The following TERT variants were observed in gnomAD, a reference collection of about 807,000 sequenced individuals.
TERT encodes telomerase reverse transcriptase.
A neutral mutation model predicts 104.0 loss-of-function variants in TERT; 42 were observed. The observed-to-expected ratio is 0.40, with a 90% CI of 0.32 to 0.52. The LOEUF is 0.52. TERT is among the 20% of genes least tolerant of loss of function. The pLI, the probability that TERT is intolerant of heterozygous loss-of-function variation, is 0.43. For missense variants in TERT, 1,101 were observed against 1,610.3 expected (o/e 0.68, Z 5.41); for synonymous variants, 781 against 725.6 (o/e 1.08, Z -1.23).
In TERT at chr5:1,268,495, C is replaced by A. The variant is rs1484762973; in HGVS notation, c.2582+25G>T. On this transcript the variant is annotated intron_variant, in intron 9 of 15. Transcript: ENST00000310581. This position sits in a 1 kb window ranked among gnomAD's most constrained non-coding sequence, Gnocchi z 5.5. ...AAAGCAAATCAACCCCCACCCAAGC[C>A]CCCCTGGGGAAGAGGAGGCCTCACC... is the stretch of plus-strand genomic sequence containing the variant. The A allele has an allele frequency of 1.3e-6, 2 of 1,590,720 alleles. No homozygotes were observed. The highest frequency in any genetic ancestry group is 1.3e-5 in the African/African-American group (1 of 74,480).
rs1388629976 is a variant in TERT at position 1,280,324 on chromosome 5, C to T, written c.1784G>A (p.Arg595Lys). The T allele has an allele frequency of 2.5e-6, 4 of 1,613,290 alleles. No homozygotes were observed. The East Asian group carries it at 6.7e-5, about 27-fold the overall frequency. The change falls in exon 4 of 16, where the codon AGG (arginine) becomes AAG (lysine). Residue 595 changes from arginine (R) to lysine (K), a missense_variant. By Grantham distance (26) the Arg-to-Lys change is conservative. Coordinates refer to ENST00000310581, the MANE Select transcript of TERT (RefSeq NM_198253.3). ...TTCCGACAGCTCCCGCAGCTGCACC[C>T]TCTTCAAGTGCTGTCTGCAATAGAG... The part of the protein sequence containing the change: ...QSIGIRQHLK[R>K]VQLRELSEAE...
rs1266231452 is a variant in TERT, at chr5:1,286,674, T to C, written c.1574-4050A>G. ...GGGCAGATCACTTGAGGTCAGGAGT[T>C]TGAGACCAGCCTGGCCAACATGGTG... On this transcript the variant is annotated intron_variant, in intron 2 of 15. Transcript: ENST00000310581. This position sits in a 1 kb window ranked among gnomAD's most constrained non-coding sequence, Gnocchi z 5.3. Among the ~76,000 whole-genome samples the C allele has an allele frequency of 6.6e-6, 1 of 152,106 alleles. No homozygotes were observed. Among genetic ancestry groups the C allele is most frequent in the African/African-American group, 2.4e-5 (1 of 41,406 alleles).
In TERT at chr5:1,260,842, C is replaced by T. The variant is rs34026153; in HGVS notation, c.2844-242G>A. ...AGTGATGTTGAGTGTATCCAAACCT[C>T]GCACGGCCGTGTTTGTGCACTCATC... On this transcript the variant is annotated intron_variant, in intron 11 of 15. Transcript: ENST00000310581. Among the ~76,000 whole-genome samples, 58 of 152,324 alleles carry T rather than the reference C, an allele frequency of 3.8e-4. No individual in the cohort carries two copies. The East Asian group carries it at 0.011, about 28-fold the overall frequency.
In TERT at chr5:1,272,510, C is replaced by T. The variant is rs867604971; in HGVS notation, c.2287-230G>A. Among the ~76,000 whole-genome samples the T allele has an allele frequency of 1.4e-4, 21 of 151,286 alleles. 1 individual carries two copies. The Middle Eastern group carries it at 0.01, about 75-fold the overall frequency. ...CCACCTGCAGCTACCACACATCAGACCCCTGTGACCGATCACCATCCACAG... is the reference window on the plus strand; with the variant it reads ...CCACCTGCAGCTACCACACATCAGATCCCTGTGACCGATCACCATCCACAG... On this transcript the variant is annotated intron_variant, in intron 6 of 15. Transcript: ENST00000310581.
At chr5:1,271,321 G>T (rs1383520411) in intron 7 of TERT, 117 bp from the exon 8 acceptor site, 1 of 772,566 alleles carries the variant, frequency 1.3e-6, no homozygotes, top group Non-Finnish European at 2.3e-6. Flanking sequence ...GAAGTGCGGG[G>T]CTGGGCTGGA....
In TERT at chr5:1,261,428, G is replaced by A. The variant is rs988818682; in HGVS notation, c.2844-828C>T. On this transcript the variant is annotated intron_variant, in intron 11 of 15. Coordinates refer to ENST00000310581, the MANE Select transcript of TERT (RefSeq NM_198253.3). The surrounding 1 kb of genome is among the most constrained non-coding windows in gnomAD (Gnocchi z 7.4). ...ACACTGGAAATGGTAAATAAGACCC[G>A]TGATAATGTCTGGTCACTTCAGAAG... Among the ~76,000 whole-genome samples the A allele has an allele frequency of 2.0e-4, 31 of 152,316 alleles. No homozygotes were observed. The highest frequency in any genetic ancestry group is 3.4e-3 in the Middle Eastern group (1 of 294).
In TERT at chr5:1,292,372, A is replaced by G. The variant is rs1479167628; in HGVS notation, c.1573+941T>C. On this transcript the variant is annotated intron_variant, in intron 2 of 15. Transcript: ENST00000310581. The surrounding 1 kb of genome is among the most constrained non-coding windows in gnomAD (Gnocchi z 5.5). ...CACCATCCCCTGAACACCCACAAAC[A>G]CTGTCCCTTCCTCAGCAGGTGGAGC... 6.6e-6 allele frequency among the ~76,000 whole-genome samples: 1 copy of G among 152,126 alleles called. No homozygotes were observed. The highest frequency in any genetic ancestry group is 1.5e-5 in the Non-Finnish European group (1 of 68,020).
intron 11 of TERT, among the ~76,000 whole-genome samples, 194 bp from the exon 12 acceptor site, chr5:1,260,794 C>T (rs936291839): frequency 2.8e-4 from 43 of 152,340 alleles, no homozygotes; most frequent in African/African-American, 9.6e-4. Flanking sequence ...CTCTGCATGA[C>T]CAAACTCCAC....
chr5:1,264,241 A>G, intron 11 of TERT, 163 bp downstream of exon 11: 3 of 701,184 alleles, frequency 4.3e-6, no homozygotes, highest in African/African-American at 3.5e-5. Context: ...AGAAAGATGC[A>G]TTTCTGCTCA....
chr5:1,283,887 C>T (rs923317637), intron 2 of TERT, among the ~76,000 whole-genome samples: 10 of 142,218 alleles, frequency 7.0e-5, no homozygotes, highest in Admixed American at 3.5e-4. Flanking sequence ...TCCAGCTCAC[C>T]GAGGGCCTGG....
In TERT at chr5:1,270,768, C is replaced by T. The variant is rs139770696; in HGVS notation, c.2468+351G>A. 8.0e-3 allele frequency among the ~76,000 whole-genome samples: 1,215 copies of T among 152,338 alleles called. 9 individuals are homozygous for T. Among genetic ancestry groups the T allele is most frequent in the Non-Finnish European group, 0.01 (691 of 68,030 alleles). The stretch of plus-strand genomic sequence containing the variant: ...AAGCGTGTGAGAGCCGGGTGTCCAG[C>T]GTCAGTAGTAACTTGGAGCTGACAA... On this transcript the variant is annotated intron_variant, in intron 8 of 15. Coordinates refer to ENST00000310581, the MANE Select transcript of TERT (RefSeq NM_198253.3). This position sits in a 1 kb window ranked among gnomAD's most constrained non-coding sequence, Gnocchi z 8.3.
At position 1,286,155 on chromosome 5, in the gene TERT, A is replaced by G. The variant is rs1383046110; in HGVS notation, c.1574-3531T>C. ...AGGAACGCTGGCCACGTGGTGCTCC[A>G]GACACTCACGGGCCAAGATGACCGC... On this transcript the variant is annotated intron_variant, in intron 2 of 15. Transcript: ENST00000310581. The surrounding 1 kb of genome is among the most constrained non-coding windows in gnomAD (Gnocchi z 5.3). 6.6e-6 allele frequency among the ~76,000 whole-genome samples: 1 copy of G among 152,182 alleles called. No individual in the cohort carries two copies. Among genetic ancestry groups the G allele is most frequent in the Non-Finnish European group, 1.5e-5 (1 of 68,052 alleles).
chr5:1,285,679 C>T (rs1223080926), intron 2 of TERT, among the ~76,000 whole-genome samples: 1 of 146,042 alleles, frequency 6.8e-6, no homozygotes, highest in Non-Finnish European at 1.5e-5. Flanking sequence ...AAGCAATTCT[C>T]CTGCCTCAGC....
chr5:1,281,523 C>T (rs1750021395), intron 3 of TERT, among the ~76,000 whole-genome samples: 1 of 152,264 alleles, frequency 6.6e-6, no homozygotes, highest in Admixed American at 6.5e-5. Flanking sequence ...GCCAGGCTGG[C>T]ATCTCCCAGA....
In TERT at chr5:1,280,194, G is replaced by A. The variant is rs541931572; in HGVS notation, c.1914C>T (p.Tyr638=). 1.2e-5 allele frequency: 20 copies of A among 1,614,084 alleles called. No homozygotes were observed. The highest frequency in any genetic ancestry group is 8.9e-5 in the East Asian group (4 of 44,890). Reference sequence around the variant, plus strand: ...TGCGGAACGTTCTGGCTCCCACGACGTAGTCCATGTTCACAATCGGCCGCA... The same window carrying A: ...TGCGGAACGTTCTGGCTCCCACGACATAGTCCATGTTCACAATCGGCCGCA... The part of the protein sequence containing the change: ...DGLRPIVNMD[Y]VVGARTFRRE... The change falls in exon 4 of 16, where the codon TAC becomes TAT. Residue 638 remains tyrosine, a synonymous_variant. Coordinates refer to ENST00000310581, the MANE Select transcript of TERT (RefSeq NM_198253.3).
chr5:1,264,621 G>A (rs758654748), intron 10 of TERT, 29 bp from the exon 11 acceptor site: 30 of 1,612,548 alleles, frequency 1.9e-5, no homozygotes, highest in Middle Eastern at 3.3e-4. Flanking sequence ...GTCAGCCCCA[G>A]GATGCGGGGC....
Position 1,281,817 on chromosome 5 carries a change from G to A in TERT, c.1769+612C>T, listed in dbSNP as rs761049647. Among the ~76,000 whole-genome samples the A allele has an allele frequency of 6.6e-5, 10 of 152,296 alleles. No homozygotes were observed. In the East Asian group the frequency reaches 1.4e-3, roughly 21 times the overall value. On this transcript the variant is annotated intron_variant, in intron 3 of 15. Transcript: ENST00000310581. ...TAAAAGAGAATCGGGGGCTGGGCAC[G>A]GTGGCTTAGCCTGTAAACCCAGCAC...
Position 1,274,397 on chromosome 5 carries a change from C to G in TERT, c.2287-2117G>C, listed in dbSNP as rs997130076. Among the ~76,000 whole-genome samples, 1 of 152,180 alleles carries G rather than the reference C, an allele frequency of 6.6e-6. No individual in the cohort carries two copies. On this transcript the variant is annotated intron_variant, in intron 6 of 15. Coordinates refer to ENST00000310581, the MANE Select transcript of TERT (RefSeq NM_198253.3). The surrounding 1 kb of genome is among the most constrained non-coding windows in gnomAD (Gnocchi z 5.3). ...AGAAAAGCCAATATATCAACACTGA[C>G]GAGAGGCTGCTGAAGCAGGTCTTTA...
intron 4 of TERT, 129 bp from the exon 5 acceptor site, chr5:1,279,599 C>T: frequency 1.1e-6 from 1 of 911,750 alleles, no homozygotes; most frequent in Admixed American, 2.0e-5. Flanking sequence ...GACCTAGAAC[C>T]CCTCCCAGCT....
Sources: gnomAD v4.1 joint callset for allele counts (sites outside exome capture counted in the v4.1 genomes callset) on GRCh38, gnomAD v4.1.1 for gene constraint, Gnocchi (gnomAD v3.1) non-coding constraint, MANE v1.5 for transcripts, NCBI Gene and HGNC (gene_info 2026-07-23, HGNC 2026-07-21) for gene names.